LRRC4C: variants seen among roughly 807,000 people sequenced by gnomAD.
The protein encoded by LRRC4C is leucine-rich repeat-containing protein 4C.
In LRRC4C, 5 loss-of-function variants were observed where a neutral mutation model predicts 33.6. The ratio of observed to expected loss-of-function variants is 0.15; its 90% CI spans 0.08 to 0.31. The LOEUF (loss-of-function observed/expected upper bound fraction) is 0.31, where lower values mean the gene tolerates loss of function less well. LRRC4C is among the 10% of genes least tolerant of loss of function. LRRC4C has a pLI of 1.00. For missense variants in LRRC4C, 560 were observed against 796.7 expected, an observed-to-expected ratio of 0.70 and a Z score of 3.58; for synonymous variants, 329 against 302.0, an observed-to-expected ratio of 1.09 and a Z score of -0.93.
At chr11:40,643,105 T>C (rs559339841) in intron 3 of LRRC4C, among the ~76,000 whole-genome samples, 1 of 152,316 alleles carries the variant, frequency 6.6e-6, no homozygotes, top group Admixed American at 6.5e-5. Flanking sequence ...TCCTGGGTTT[T>C]TGTTTTGGCT....
Position 40,834,284 on chromosome 11 carries a change from A to T in LRRC4C, c.-407+99351T>A, listed in dbSNP as rs112541726. On this transcript the variant is annotated intron_variant, in intron 2 of 6. Coordinates refer to ENST00000528697, the MANE Select transcript of LRRC4C (RefSeq NM_001258419.2). ...GTCAGGAGTTCGAGACCAGCCTGCC[A>T]ACATGGTAAAACCCTGTCTCTACTA... Among the ~76,000 whole-genome samples, 1,392 of 152,156 alleles carry T rather than the reference A, an allele frequency of 9.1e-3. 11 individuals are homozygous for T. Among genetic ancestry groups the T allele is most frequent in the South Asian group, 0.018 (85 of 4,820 alleles).
chr11:40,610,326 C>T (rs1361228514), intron 3 of LRRC4C, among the ~76,000 whole-genome samples: 1 of 151,558 alleles, frequency 6.6e-6, no homozygotes, highest in Non-Finnish European at 1.5e-5. Flanking sequence ...CAACTTTTTA[C>T]AATAAAAACA....
At chr11:41,189,897 C>T (rs1036634848) in intron 1 of LRRC4C, among the ~76,000 whole-genome samples, 3 of 152,278 alleles carry the variant, frequency 2.0e-5, no homozygotes, top group South Asian at 4.1e-4. Flanking sequence ...TCCACACTGA[C>T]GTGCCTTTAT....
At chr11:41,154,055 C>T (rs1326905064) in intron 1 of LRRC4C, among the ~76,000 whole-genome samples, 1 of 152,070 alleles carries the variant, frequency 6.6e-6, no homozygotes, top group East Asian at 1.9e-4. Flanking sequence ...ACGGTGTAGC[C>T]CTGTCAATAC....
chr11:40,964,464 C>T (rs1288622690), intron 1 of LRRC4C, among the ~76,000 whole-genome samples: 3 of 151,448 alleles, frequency 2.0e-5, no homozygotes, highest in African/African-American at 7.3e-5. Context: ...TGGTGTGCTG[C>T]ACCCATTAAC....
At position 40,497,909 on chromosome 11, in the gene LRRC4C, A is replaced by C. The variant is rs1304943174; in HGVS notation, c.-270+150233T>G. On this transcript the variant is annotated intron_variant, in intron 3 of 6. Coordinates refer to ENST00000528697, the MANE Select transcript of LRRC4C (RefSeq NM_001258419.2). ...TACAACCCCTAAAAAATCTCTAAAA[A>C]ATAAATTTTGCATTTATAGACCAGT... Among the ~76,000 whole-genome samples the C allele has an allele frequency of 2.6e-5, 4 of 152,182 alleles. No individual in the cohort carries two copies. The East Asian group carries it at 7.7e-4, about 29-fold the overall frequency.
intron 1 of LRRC4C, among the ~76,000 whole-genome samples, chr11:41,127,738 C>CG (rs1942815735): frequency 3.9e-5 from 1 of 25,518 alleles, no homozygotes; most frequent in East Asian, 0.12. Flanking sequence ...CTCTATTCAA[C>CG]AAAACATTGC....
chr11:41,227,413 A>T (rs539968425), intron 1 of LRRC4C, among the ~76,000 whole-genome samples: 1 of 152,272 alleles, frequency 6.6e-6, no homozygotes, highest in East Asian at 1.9e-4. Context: ...TTATTATGAG[A>T]ATTACATATT....
At chr11:40,476,727 AT>A (rs1334177006) in intron 3 of LRRC4C, among the ~76,000 whole-genome samples, 3 of 151,976 alleles carry the variant, frequency 2.0e-5, no homozygotes, top group African/African-American at 7.3e-5. Flanking sequence ...TAACAAAGAT[AT>A]TTTCTTTGAA....
chr11:41,135,078 G>T (rs1206231311), intron 1 of LRRC4C, among the ~76,000 whole-genome samples: 1 of 151,342 alleles, frequency 6.6e-6, no homozygotes, highest in Non-Finnish European at 1.5e-5. Context: ...ACACACACAG[G>T]CCTGACTAAA....
rs189556698 is a variant in LRRC4C at position 40,396,434 on chromosome 11, T to A, written c.-269-76713A>T. 4.8e-3 allele frequency among the ~76,000 whole-genome samples: 734 copies of A among 152,222 alleles called. 11 individuals carry two copies. The highest frequency in any genetic ancestry group is 0.017 in the African/African-American group (695 of 41,554). ...TTTAATTTCATGTTCAAGTTAAAGA[T>A]TTGTTAATAGTTCTGCAAACTACCC... On this transcript the variant is annotated intron_variant, in intron 3 of 6. Transcript: ENST00000528697.
At position 41,407,476 on chromosome 11, in the gene LRRC4C, A is replaced by G. The variant is rs142925545; in HGVS notation, c.-496+51955T>C. On this transcript the variant is annotated intron_variant, in intron 1 of 6. Coordinates refer to ENST00000528697, the MANE Select transcript of LRRC4C (RefSeq NM_001258419.2). ...GCCACCACATTCGACTGAATTTTAAACTTTTTGTAGAGATAGGGTCTCACA... is the reference window on the plus strand; with the variant it reads ...GCCACCACATTCGACTGAATTTTAAGCTTTTTGTAGAGATAGGGTCTCACA... Among the ~76,000 whole-genome samples the G allele has an allele frequency of 1.9e-3, 292 of 151,722 alleles. 2 individuals carry two copies. Among genetic ancestry groups the G allele is most frequent in the African/African-American group, 6.8e-3 (282 of 41,382 alleles).
At chr11:40,578,081 G>A (rs751771450) in intron 3 of LRRC4C, among the ~76,000 whole-genome samples, 2 of 143,534 alleles carry the variant, frequency 1.4e-5, no homozygotes, top group Non-Finnish European at 3.0e-5. Context: ...TGATCCACCT[G>A]CCTGGGCCTC....
intron 4 of LRRC4C, among the ~76,000 whole-genome samples, chr11:40,242,717 C>G (rs2136106055): frequency 6.6e-6 from 1 of 152,060 alleles, no homozygotes; most frequent in Middle Eastern, 3.4e-3. Flanking sequence ...AGTGTCTGTA[C>G]CTAAATAATT....
At chr11:40,681,197 A>G (rs377573398) in intron 2 of LRRC4C, among the ~76,000 whole-genome samples, 1 of 152,210 alleles carries the variant, frequency 6.6e-6, no homozygotes, top group African/African-American at 2.4e-5. Flanking sequence ...GGCACTGATG[A>G]ACCAAAATAG....
chr11:40,218,634 G>C (rs3979527), intron 5 of LRRC4C, among the ~76,000 whole-genome samples: 114,075 of 140,346 alleles, frequency 0.81, 48,535 homozygotes, highest in East Asian at 0.96. Flanking sequence ...ATGTATGTAT[G>C]TATCTATTTA....
intron 3 of LRRC4C, among the ~76,000 whole-genome samples, chr11:40,607,053 A>G (rs149579246): frequency 0.02 from 3,087 of 152,316 alleles, 48 homozygotes; most frequent in South Asian, 0.037. Context: ...AAGTGGAATT[A>G]TATATTTAAA....
Position 40,632,577 on chromosome 11 carries a change from C to T in LRRC4C, c.-270+15565G>A, listed in dbSNP as rs77561698. 8.7e-3 allele frequency among the ~76,000 whole-genome samples: 1,327 copies of T among 152,326 alleles called. 14 individuals are homozygous for T. The highest frequency in any genetic ancestry group is 0.03 in the African/African-American group (1,237 of 41,568). On this transcript the variant is annotated intron_variant, in intron 3 of 6. Coordinates refer to ENST00000528697, the MANE Select transcript of LRRC4C (RefSeq NM_001258419.2). Reference sequence around the variant, plus strand: ...AAGTGGGGACATAGATGAGAAGACACTCTGCATTTTAAATGTAGCTTTAAA... The same window carrying T: ...AAGTGGGGACATAGATGAGAAGACATTCTGCATTTTAAATGTAGCTTTAAA...
At chr11:41,200,600 GGAGT>G (rs1458372386) in intron 1 of LRRC4C, among the ~76,000 whole-genome samples, 1 of 152,012 alleles carries the variant, frequency 6.6e-6, no homozygotes, top group Non-Finnish European at 1.5e-5. Context: ...TACCGATGAT[GGAGT>G]AAGTAGCTAT....
Sources: gnomAD v4.1 joint callset for allele counts (sites outside exome capture counted in the v4.1 genomes callset) on GRCh38, gnomAD v4.1.1 for gene constraint, MANE v1.5 for transcripts, NCBI Gene and HGNC (gene_info 2026-07-23, HGNC 2026-07-21) for gene names.